TXK: variants seen among roughly 807,000 people sequenced by gnomAD.
TXK encodes TXK tyrosine kinase.
A neutral mutation model predicts 81.0 loss-of-function variants in TXK; 60 were observed. The ratio of observed to expected loss-of-function variants is 0.74; its 90% CI spans 0.60 to 0.92. TXK has a LOEUF of 0.92. Among genes scored for constraint, TXK ranks in the 40% least tolerant of loss-of-function variants. The probability of loss-of-function intolerance (pLI) is 0.00; values close to 1 mark genes in which losing one functional copy is unlikely to be tolerated. For missense variants in TXK, 581 were observed against 638.3 expected (o/e 0.91, Z 0.97); for synonymous variants, 203 against 210.7 (o/e 0.96, Z 0.32).
intron 5 of TXK, 61 bp downstream of exon 5, chr4:48,110,477 A>G: frequency 1.6e-6 from 2 of 1,258,908 alleles, no homozygotes; most frequent in South Asian, 1.2e-5. Flanking sequence ...AACAGTATCT[A>G]TACTTACAAG....
chr4:48,074,545 T>A (rs3805187), intron 12 of TXK, among the ~76,000 whole-genome samples: 55,310 of 151,926 alleles, frequency 0.36, 10,194 homozygotes, highest in East Asian at 0.55. Flanking sequence ...ACATAATGCT[T>A]CTGATATGAC....
chr4:48,082,730 C>T (rs962814117), intron 10 of TXK, among the ~76,000 whole-genome samples: 1 of 152,116 alleles, frequency 6.6e-6, no homozygotes, highest in Non-Finnish European at 1.5e-5. Flanking sequence ...TGTACCCATA[C>T]AAATCGCAAA....
intron 14 of TXK, among the ~76,000 whole-genome samples, chr4:48,069,818 C>T (rs926727727): frequency 2.6e-5 from 4 of 152,164 alleles, no homozygotes; most frequent in South Asian, 2.1e-4. Context: ...TACACACACA[C>T]GTGTGTATTA....
intron 1 of TXK, 161 bp from the exon 2 acceptor site, chr4:48,114,563 A>G (rs1193946508): frequency 1.3e-5 from 9 of 711,704 alleles, no homozygotes; most frequent in Admixed American, 5.2e-5. Context: ...TAAAGCAAAA[A>G]ATAAGTTTCT....
rs1167676587 is a variant in TXK, at chr4:48,120,831, C to T, written c.17-6429G>A. On this transcript the variant is annotated intron_variant, in intron 1 of 14. Coordinates refer to ENST00000264316, the MANE Select transcript of TXK (RefSeq NM_003328.3). ...TTACTTGCTGTCTCCAACTGCTCTC[C>T]TTCCATTACAGTCAGGCTGTCATCT... is the stretch of plus-strand genomic sequence containing the variant. Among the ~76,000 whole-genome samples the T allele has an allele frequency of 5.9e-5, 9 of 151,726 alleles. No individual in the cohort carries two copies. In the East Asian group the frequency reaches 1.8e-3, roughly 30 times the overall value.
Position 48,076,389 on chromosome 4 carries a change from A to C in TXK, c.1238+13T>G. 6.4e-7 allele frequency: 1 copy of C among 1,572,546 alleles called. No homozygotes were observed. Among genetic ancestry groups the C allele is most frequent in the Non-Finnish European group, 8.7e-7 (1 of 1,147,496 alleles). ...AAACAAACAAAATACATATATATAT[A>C]CATAGCATGTACCTTGTCATTCCAA... On this transcript the variant is annotated intron_variant, in intron 12 of 14. Coordinates refer to ENST00000264316, the MANE Select transcript of TXK (RefSeq NM_003328.3).
chr4:48,067,632 T>G lies in TXK; in HGVS notation c.*5A>C. On this transcript the variant is annotated 3_prime_UTR_variant, in exon 15 of 15. Transcript: ENST00000264316. The stretch of plus-strand genomic sequence containing the variant: ...TGACTCTTTGGGTTGGCATTCTGTT[T>G]CCGGTCACCAGGTTTCCGCAATCTC... 1 of 1,614,078 alleles carries G rather than the reference T, an allele frequency of 6.2e-7. No individual in the cohort carries two copies. Among genetic ancestry groups the G allele is most frequent in the Non-Finnish European group, 8.5e-7 (1 of 1,179,950 alleles).
chr4:48,108,367 C>A (rs1456393649), intron 5 of TXK, among the ~76,000 whole-genome samples: 1 of 152,140 alleles, frequency 6.6e-6, no homozygotes, highest in Non-Finnish European at 1.5e-5. Context: ...ATGTATTGAA[C>A]ATGTATTATG....
At chr4:48,119,047 T>C (rs1240358481) in intron 1 of TXK, among the ~76,000 whole-genome samples, 1 of 152,084 alleles carries the variant, frequency 6.6e-6, no homozygotes, top group African/African-American at 2.4e-5. Flanking sequence ...AGAGCAGAGA[T>C]CACTTTGAGG....
intron 7 of TXK, among the ~76,000 whole-genome samples, chr4:48,094,751 A>C (rs767423894): frequency 2.6e-5 from 4 of 152,184 alleles, no homozygotes; most frequent in Non-Finnish European, 4.4e-5. Flanking sequence ...GTTACCTCTC[A>C]GGCACTTTCA....
intron 10 of TXK, among the ~76,000 whole-genome samples, chr4:48,083,532 T>C (rs1717391033): frequency 6.6e-6 from 1 of 152,246 alleles, no homozygotes; most frequent in Admixed American, 6.5e-5. Flanking sequence ...AAGTAAACTC[T>C]TAAATTAATT....
intron 10 of TXK, among the ~76,000 whole-genome samples, chr4:48,085,789 G>A (rs1717503472): frequency 6.6e-6 from 1 of 151,982 alleles, no homozygotes; most frequent in South Asian, 2.1e-4. Context: ...AAACTCCCAG[G>A]GAAGATCATC....
intron 6 of TXK, among the ~76,000 whole-genome samples, chr4:48,098,824 T>C (rs745877841): frequency 1.3e-5 from 2 of 152,126 alleles, no homozygotes; most frequent in Non-Finnish European, 2.9e-5. Flanking sequence ...TCCCAGCTTC[T>C]TGGGTGACTG....
chr4:48,104,157 C>T (rs967490727), intron 6 of TXK, among the ~76,000 whole-genome samples: 6 of 134,752 alleles, frequency 4.5e-5, no homozygotes, highest in South Asian at 2.3e-4. Flanking sequence ...CAGCTGTGAT[C>T]GAGCCACTGC....
chr4:48,127,872 G>A (rs1719131917), intron 1 of TXK, among the ~76,000 whole-genome samples: 1 of 152,182 alleles, frequency 6.6e-6, no homozygotes, highest in Admixed American at 6.5e-5. Context: ...TCCTCTAGGA[G>A]AGGCTCCTAT....
At chr4:48,133,285 C>A (rs1726847962) in intron 1 of TXK, among the ~76,000 whole-genome samples, 1 of 151,944 alleles carries the variant, frequency 6.6e-6, no homozygotes, top group South Asian at 2.1e-4. Context: ...CTCTTTCAAA[C>A]CAAGGATCTT....
At chr4:48,078,590 A>G (rs537782477) in intron 11 of TXK, among the ~76,000 whole-genome samples, 14 of 152,364 alleles carry the variant, frequency 9.2e-5, no homozygotes, top group East Asian at 3.9e-4. Context: ...AGTGTTACTC[A>G]AGGGGAGGTA....
In TXK at chr4:48,127,605, C is replaced by T. The variant is rs553512459; in HGVS notation, c.16+6550G>A. ...GAAGGAAATGTGGAAAGAATATATT[C>T]GGGCTTGAAGATTATCACTGAAGGA... On this transcript the variant is annotated intron_variant, in intron 1 of 14. Transcript: ENST00000264316. 4.6e-5 allele frequency among the ~76,000 whole-genome samples: 7 copies of T among 152,296 alleles called. No homozygotes were observed. In the East Asian group the frequency reaches 5.8e-4, roughly 13 times the overall value.
chr4:48,123,895 G>A (rs1719020380), intron 1 of TXK, among the ~76,000 whole-genome samples: 1 of 152,098 alleles, frequency 6.6e-6, no homozygotes, highest in South Asian at 2.1e-4. Context: ...AATTCCTGCT[G>A]CACCAGCTTC....
Sources: allele counts gnomAD v4.1 joint callset (sites outside exome capture counted in the v4.1 genomes callset), GRCh38; gene constraint gnomAD v4.1.1; transcripts MANE v1.5; gene names NCBI Gene and HGNC (gene_info 2026-07-23, HGNC 2026-07-21).